Variants in ELP3 observed in about 807,000 individuals in gnomAD.
The protein encoded by ELP3 is elongator complex protein 3.
A neutral mutation model predicts 74.9 loss-of-function variants in ELP3; 56 were observed. That is an observed-to-expected ratio of 0.75 (90% CI 0.60 to 0.93). ELP3 has a LOEUF of 0.93. ELP3 is among the 40% of genes least tolerant of loss of function. The probability of loss-of-function intolerance (pLI) is 0.00; values close to 1 mark genes in which losing one functional copy is unlikely to be tolerated. For synonymous variants in ELP3, 222 were observed against 239.8 expected, an observed-to-expected ratio of 0.93 and a Z score of 0.68; for missense variants, 573 against 686.5, an observed-to-expected ratio of 0.83 and a Z score of 1.85.
intron 13 of ELP3, 93 bp from the exon 14 acceptor site, chr8:28,161,904 A>G (rs1181933336): frequency 1.6e-6 from 2 of 1,225,062 alleles, no homozygotes; most frequent in Non-Finnish European, 2.3e-6. Flanking sequence ...GATTTTAGCA[A>G]CTACTAAAGT....
intron 10 of ELP3, among the ~76,000 whole-genome samples, chr8:28,150,475 G>T (rs916053701): frequency 9.2e-5 from 14 of 152,010 alleles, no homozygotes; most frequent in African/African-American, 3.4e-4. Flanking sequence ...ACTTTCATAG[G>T]ATTCAGAATT....
intron 10 of ELP3, among the ~76,000 whole-genome samples, chr8:28,149,327 G>C (rs1813554775): frequency 6.6e-6 from 1 of 152,160 alleles, no homozygotes; most frequent in Admixed American, 6.6e-5. Context: ...AATTGGCATA[G>C]TCTTGCTTAA....
chr8:28,162,153 C>A, intron 14 of ELP3, 75 bp downstream of exon 14: 1 of 1,424,736 alleles, frequency 7.0e-7, no homozygotes, highest in East Asian at 2.3e-5. Context: ...TATGTTGGTA[C>A]CCTCTTGCCC....
At chr8:28,162,645 G>A (rs1814149774) in intron 14 of ELP3, among the ~76,000 whole-genome samples, 1 of 152,152 alleles carries the variant, frequency 6.6e-6, no homozygotes, top group Admixed American at 6.5e-5. Context: ...CAGATTAACA[G>A]GGGAAAAGCA....
intron 9 of ELP3, 105 bp from the exon 10 acceptor site, chr8:28,137,593 C>T (rs1029011499): frequency 1.1e-5 from 12 of 1,109,620 alleles, no homozygotes; most frequent in Non-Finnish European, 1.6e-5. Flanking sequence ...AAGGCTGCCC[C>T]AGGGCCTACT....
chr8:28,151,986 G>A (rs979967696), intron 10 of ELP3, among the ~76,000 whole-genome samples: 3 of 152,112 alleles, frequency 2.0e-5, no homozygotes, highest in Non-Finnish European at 4.4e-5. Flanking sequence ...GCAGTTCATC[G>A]GTTAGAATTC....
At chr8:28,163,550 G>T in intron 14 of ELP3, among the ~76,000 whole-genome samples, 1 of 144,916 alleles carries the variant, frequency 6.9e-6, no homozygotes, top group South Asian at 2.2e-4. Flanking sequence ...CACATGTCTA[G>T]CTTTATTTAT....
Position 28,129,562 on chromosome 8 carries a change from C to T in ELP3, c.678C>T (p.Tyr226=), listed in dbSNP as rs1343392651. ...TTACTATTGAAACCAGACCAGATTA[C>T]TGCATGAAGCGACATTTAAGTGACA... The part of the protein sequence containing the change: ...IGITIETRPD[Y]CMKRHLSDML... Residue 226 remains tyrosine (Y), a synonymous_variant, in exon 8 of 15, where the codon TAC becomes TAT. Coordinates refer to ENST00000256398, the MANE Select transcript of ELP3 (RefSeq NM_018091.6). 2 of 1,614,212 alleles carry T rather than the reference C, an allele frequency of 1.2e-6. No homozygotes were observed. The highest frequency in any genetic ancestry group is 1.7e-6 in the Non-Finnish European group (2 of 1,180,014).
rs1302714531 is a variant in ELP3 at position 28,158,651 on chromosome 8, A to G, written c.1257+18A>G. The G allele has an allele frequency of 1.2e-6, 2 of 1,604,106 alleles. No homozygotes were observed. The highest frequency in any genetic ancestry group is 1.7e-6 in the Non-Finnish European group (2 of 1,171,344). On this transcript the variant is annotated intron_variant, in intron 12 of 14. Coordinates refer to ENST00000256398, the MANE Select transcript of ELP3 (RefSeq NM_018091.6). ...CATACCAGGTTAGTCTCTTCATGTC[A>G]TAGAGGGCCTAGGTACTGTCCTTAG...
chr8:28,135,077 C>T (rs751224018), intron 9 of ELP3, among the ~76,000 whole-genome samples: 1 of 152,002 alleles, frequency 6.6e-6, no homozygotes, highest in African/African-American at 2.4e-5. Flanking sequence ...TACAGGTGCC[C>T]ACCACCACAC....
At chr8:28,095,253 AG>A (rs1422687663) in intron 1 of ELP3, among the ~76,000 whole-genome samples, 1 of 152,212 alleles carries the variant, frequency 6.6e-6, no homozygotes, top group East Asian at 1.9e-4. Flanking sequence ...TTACTCTTCC[AG>A]TTCTTGATAC....
At chr8:28,097,995 G>C (rs1411407396) in intron 2 of ELP3, among the ~76,000 whole-genome samples, 1 of 152,102 alleles carries the variant, frequency 6.6e-6, no homozygotes, top group African/African-American at 2.4e-5. Flanking sequence ...GTGCTGCATC[G>C]CTGCACATCC....
intron 7 of ELP3, among the ~76,000 whole-genome samples, chr8:28,114,751 G>T (rs1261835328): frequency 6.6e-6 from 1 of 152,170 alleles, no homozygotes; most frequent in African/African-American, 2.4e-5. Context: ...CATGAGACGG[G>T]GTTGAAGTGT....
At chr8:28,173,283 A>C (rs1814605179) in intron 14 of ELP3, among the ~76,000 whole-genome samples, 1 of 151,886 alleles carries the variant, frequency 6.6e-6, no homozygotes, top group African/African-American at 2.4e-5. Flanking sequence ...GACATTTTTT[A>C]TTACTGATTC....
At chr8:28,124,912 G>A (rs1812513424) in intron 7 of ELP3, among the ~76,000 whole-genome samples, 3 of 152,128 alleles carry the variant, frequency 2.0e-5, no homozygotes, top group Non-Finnish European at 4.4e-5. Context: ...AGAACCTCAT[G>A]ATATAACCAC....
chr8:28,100,371 T>A (rs1811427836), intron 3 of ELP3, among the ~76,000 whole-genome samples: 1 of 152,244 alleles, frequency 6.6e-6, no homozygotes, highest in Non-Finnish European at 1.5e-5. Context: ...ACAACAGCGA[T>A]GTCCCTGCAG....
At chr8:28,159,682 T>A (rs921277376) in intron 12 of ELP3, among the ~76,000 whole-genome samples, 5 of 152,202 alleles carry the variant, frequency 3.3e-5, no homozygotes, top group African/African-American at 1.2e-4. Flanking sequence ...TTCTCTAACA[T>A]TTTTATCCCA....
upstream of ELP3, chr8:28,092,802 C>CGG: frequency 1.1e-5 from 2 of 176,114 alleles, no homozygotes; most frequent in South Asian, 9.2e-5. Flanking sequence ...CCACCCTCCC[C>CGG]GGATGTGACG....
chr8:28,091,516 G>C (rs1811053295), upstream of ELP3, among the ~76,000 whole-genome samples: 2 of 152,198 alleles, frequency 1.3e-5, no homozygotes, highest in South Asian at 4.1e-4. Flanking sequence ...AGCAAGGCCA[G>C]TTTCAGTGTC....
Sources: allele counts gnomAD v4.1 joint callset (sites outside exome capture counted in the v4.1 genomes callset), GRCh38; gene constraint gnomAD v4.1.1; transcripts MANE v1.5; gene names NCBI Gene and HGNC (gene_info 2026-07-23, HGNC 2026-07-21).